The following CNTN5 variants were observed in gnomAD, a reference collection of about 807,000 sequenced individuals.
CNTN5 encodes the protein contactin 5.
Under a neutral mutation model 129.1 loss-of-function variants are expected in CNTN5, and 77 were observed. The ratio of observed to expected loss-of-function variants is 0.60; its 90% CI spans 0.50 to 0.72. CNTN5 has a LOEUF of 0.72. CNTN5 is among the 30% of genes least tolerant of loss of function. The pLI is 0.00. For synonymous variants in CNTN5, 509 were observed against 465.6 expected, an observed-to-expected ratio of 1.09 and a Z score of -1.20; for missense variants, 1,478 against 1,328.8, an observed-to-expected ratio of 1.11 and a Z score of -1.75.
At chr11:100,138,444 G>T (rs1012831624) in intron 13 of CNTN5, among the ~76,000 whole-genome samples, 1 of 151,980 alleles carries the variant, frequency 6.6e-6, no homozygotes, top group Non-Finnish European at 1.5e-5. Context: ...TAAAGAATGT[G>T]ATTTGTCAGA....
At chr11:99,936,662 G>A (rs1453584) in intron 7 of CNTN5, among the ~76,000 whole-genome samples, 77,299 of 151,914 alleles carry the variant, frequency 0.51, 19,881 homozygotes, top group Middle Eastern at 0.56. Flanking sequence ...CATATGGGGA[G>A]TAATAGTCCT....
chr11:100,009,132 A>C (rs1214743223), intron 9 of CNTN5, among the ~76,000 whole-genome samples: 4 of 152,150 alleles, frequency 2.6e-5, no homozygotes, highest in African/African-American at 4.8e-5. Flanking sequence ...GAAGTTAGGT[A>C]AAAAGTCTAC....
Position 99,475,564 on chromosome 11 carries a change from C to A in CNTN5, c.-70-80581C>A, listed in dbSNP as rs149267725. 3.8e-3 allele frequency among the ~76,000 whole-genome samples: 582 copies of A among 152,140 alleles called. 5 individuals are homozygous for A. Among genetic ancestry groups the A allele is most frequent in the South Asian group, 0.015 (73 of 4,820 alleles). On this transcript the variant is annotated intron_variant, in intron 2 of 24. Transcript: ENST00000524871. ...TTTTGTCCTCTTTCTAAAATTATTT[C>A]CTTCTCTTATCTTATTCTCTGATTT...
intron 13 of CNTN5, among the ~76,000 whole-genome samples, chr11:100,170,893 A>C (rs200875923): frequency 1.2e-5 from 1 of 81,608 alleles, no homozygotes; most frequent in Non-Finnish European, 2.2e-5. Context: ...TGAAACAAAA[A>C]CAAAAAAAAA....
At chr11:99,261,180 T>C (rs548329505) in intron 1 of CNTN5, among the ~76,000 whole-genome samples, 1 of 149,960 alleles carries the variant, frequency 6.7e-6, no homozygotes, top group African/African-American at 2.4e-5. Flanking sequence ...AATGAACACA[T>C]ACAATGTCAC....
chr11:99,889,078 G>A (rs1306381495), intron 6 of CNTN5, among the ~76,000 whole-genome samples: 1 of 152,110 alleles, frequency 6.6e-6, no homozygotes, highest in East Asian at 1.9e-4. Flanking sequence ...AATTTTACAA[G>A]TATAGAGAGC....
intron 2 of CNTN5, among the ~76,000 whole-genome samples, chr11:99,539,021 G>C (rs1591243935): frequency 6.6e-6 from 1 of 151,978 alleles, no homozygotes; most frequent in Admixed American, 6.6e-5. Context: ...CCATTTTATA[G>C]GTTAAAAAAT....
rs537885087 is a variant in CNTN5, at chr11:99,197,181, A to T, written c.-209-128165A>T. Among the ~76,000 whole-genome samples, 16 of 152,120 alleles carry T rather than the reference A, an allele frequency of 1.1e-4. 1 individual carries two copies. The South Asian group carries it at 3.3e-3, about 32-fold the overall frequency. ...ACCACAAAGTTCTTAACACATCCCA[A>T]AGAATGATTAATATGTTAGATACAA... On this transcript the variant is annotated intron_variant, in intron 1 of 24. Transcript: ENST00000524871.
intron 1 of CNTN5, among the ~76,000 whole-genome samples, chr11:99,229,035 T>A (rs944254364): frequency 4.6e-5 from 7 of 152,048 alleles, no homozygotes; most frequent in Non-Finnish European, 8.8e-5. Context: ...TCTACACATA[T>A]TTCTATGGAT....
intron 13 of CNTN5, among the ~76,000 whole-genome samples, chr11:100,190,187 AATTTTAGG>A (rs1258164915): frequency 3.3e-5 from 5 of 152,150 alleles, no homozygotes; most frequent in Admixed American, 1.3e-4. Context: ...AGGAGGATCC[AATTTTAGG>A]ATTTTAGGAT....
At chr11:100,299,813 A>C (rs1174254781) in intron 20 of CNTN5, among the ~76,000 whole-genome samples, 1 of 151,514 alleles carries the variant, frequency 6.6e-6, no homozygotes, top group East Asian at 1.9e-4. Flanking sequence ...TTCTAACCCT[A>C]TGCATAAAGC....
At chr11:100,199,671 G>A (rs1177642312) in intron 15 of CNTN5, among the ~76,000 whole-genome samples, 1 of 151,810 alleles carries the variant, frequency 6.6e-6, no homozygotes, top group African/African-American at 2.4e-5. Flanking sequence ...TCTTCTCAAA[G>A]TAGAAATCAT....
At chr11:99,906,477 A>C (rs10750420) in intron 6 of CNTN5, among the ~76,000 whole-genome samples, 147,696 of 152,256 alleles carry the variant, frequency 0.97, 71,720 homozygotes, top group Non-Finnish European at 0.99. Context: ...AGCCTTGAAT[A>C]CCAGGGATGA....
At chr11:99,046,152 G>A (rs757674983) in intron 1 of CNTN5, among the ~76,000 whole-genome samples, 1 of 151,870 alleles carries the variant, frequency 6.6e-6, no homozygotes, top group African/African-American at 2.4e-5. Flanking sequence ...CAGACTGGGC[G>A]ACATGGCAAA....
intron 13 of CNTN5, among the ~76,000 whole-genome samples, chr11:100,186,883 C>G (rs1948315472): frequency 6.6e-6 from 1 of 151,970 alleles, no homozygotes; most frequent in African/African-American, 2.4e-5. Flanking sequence ...GTGCAATAAC[C>G]AGACATTGTA....
At chr11:99,043,640 A>G (rs1864094971) in intron 1 of CNTN5, among the ~76,000 whole-genome samples, 1 of 152,166 alleles carries the variant, frequency 6.6e-6, no homozygotes, top group African/African-American at 2.4e-5. Flanking sequence ...AAAATGCTAA[A>G]CTTCCTTTAT....
At chr11:99,422,724 G>A (rs1489999448) in intron 2 of CNTN5, among the ~76,000 whole-genome samples, 3 of 151,818 alleles carry the variant, frequency 2.0e-5, no homozygotes, top group Non-Finnish European at 4.4e-5. Context: ...GTCTTCTTAA[G>A]TGAGACATCC....
At chr11:99,705,358 C>T (rs1370724948) in intron 3 of CNTN5, among the ~76,000 whole-genome samples, 3 of 151,422 alleles carry the variant, frequency 2.0e-5, no homozygotes, top group Admixed American at 6.6e-5. Context: ...TGTTACCTTT[C>T]TCCATTACCA....
Position 99,572,022 on chromosome 11 carries a change from A to T in CNTN5, c.55+15753A>T, listed in dbSNP as rs146768451. ...AAGCCTCTCAGTTCACACAGCAATA[A>T]TCATTACATGGCCCATAGCAAGAAA... On this transcript the variant is annotated intron_variant, in intron 3 of 24. Coordinates refer to ENST00000524871, the MANE Select transcript of CNTN5 (RefSeq NM_014361.4). Among the ~76,000 whole-genome samples the T allele has an allele frequency of 3.2e-3, 480 of 152,344 alleles. 1 individual carries two copies. The highest frequency in any genetic ancestry group is 0.011 in the African/African-American group (467 of 41,596).
Sources: allele counts gnomAD v4.1 joint callset (sites outside exome capture counted in the v4.1 genomes callset), GRCh38; gene constraint gnomAD v4.1.1; transcripts MANE v1.5; gene names NCBI Gene and HGNC (gene_info 2026-07-23, HGNC 2026-07-21).